The following FMNL2 variants were observed in gnomAD, a reference collection of about 807,000 sequenced individuals.
The protein encoded by FMNL2 is formin-like protein 2.
A neutral mutation model predicts 130.2 loss-of-function variants in FMNL2; 51 were observed. The observed-to-expected ratio is 0.39, with a 90% CI of 0.31 to 0.49. The LOEUF is 0.49. Ranked by LOEUF, FMNL2 falls within the 20% of genes least tolerant of loss-of-function variation. FMNL2 has a pLI of 0.85. For missense variants in FMNL2, 977 were observed against 1,316.2 expected (o/e 0.74, Z 3.99); for synonymous variants, 465 against 467.1 (o/e 1.00, Z 0.06).
chr2:152,641,967 G>A (rs1683119682), intron 25 of FMNL2, among the ~76,000 whole-genome samples: 2 of 147,318 alleles, frequency 1.4e-5, no homozygotes, highest in Admixed American at 1.3e-4. Context: ...TTTTGATGGA[G>A]TCTCATTCTG....
chr2:152,339,194 AT>A (rs11440524), intron 1 of FMNL2, among the ~76,000 whole-genome samples: 3 of 151,348 alleles, frequency 2.0e-5, no homozygotes, highest in Admixed American at 6.6e-5. Flanking sequence ...TTATTTCATG[AT>A]TTTTTTTTAA....
chr2:152,338,848 C>CACACAT (rs1407256923), intron 1 of FMNL2, among the ~76,000 whole-genome samples: 2 of 92,778 alleles, frequency 2.2e-5, no homozygotes, highest in East Asian at 4.2e-4. Context: ...CACACACACA[C>CACACAT]ACACATATAT....
At chr2:152,336,001 CGTGTGCCCGGGAGGTGCGGCGT>C (rs1022766803) in intron 1 of FMNL2, among the ~76,000 whole-genome samples, 6 of 151,748 alleles carry the variant, frequency 4.0e-5, no homozygotes, top group African/African-American at 1.5e-4. Flanking sequence ...CCTCACGGCG[CGTGTGCCCGGGAGGTGCGGCGT>C]GGGCGTGAAG....
At chr2:152,461,107 C>T (rs1050115244) in intron 1 of FMNL2, among the ~76,000 whole-genome samples, 3 of 152,058 alleles carry the variant, frequency 2.0e-5, no homozygotes, top group Non-Finnish European at 4.4e-5. Context: ...ATGACCTCTG[C>T]CTTCAAAGAA....
chr2:152,465,641 C>T (rs1031712185), intron 1 of FMNL2, among the ~76,000 whole-genome samples: 3 of 152,194 alleles, frequency 2.0e-5, no homozygotes, highest in Non-Finnish European at 4.4e-5. Flanking sequence ...CCCCACCCCC[C>T]ATCTGGCTCA....
At chr2:152,342,277 A>G (rs1357293893) in intron 1 of FMNL2, among the ~76,000 whole-genome samples, 3 of 152,240 alleles carry the variant, frequency 2.0e-5, no homozygotes, top group Admixed American at 6.5e-5. Context: ...AGCTAATACA[A>G]GAAGCACTGA....
intron 8 of FMNL2, among the ~76,000 whole-genome samples, chr2:152,580,660 T>C (rs1397858183): frequency 2.6e-5 from 4 of 152,222 alleles, no homozygotes; most frequent in Admixed American, 2.6e-4. Flanking sequence ...TCATCTGTAT[T>C]GTACTGAGTC....
At chr2:152,625,391 G>T in intron 15 of FMNL2, 47 bp from the exon 16 acceptor site, 1 of 1,574,802 alleles carries the variant, frequency 6.3e-7, no homozygotes. Flanking sequence ...CCTGAGGGTC[G>T]TAGGCTTTTG....
chr2:152,384,362 G>T lies in FMNL2; in HGVS notation c.117+48642G>T, dbSNP rs1461062270. On this transcript the variant is annotated intron_variant, in intron 1 of 25. Transcript: ENST00000288670. ...AGAGTCTGGATTACCAGCCCCTGTG[G>T]TCTAGCAGAAGTTTGGGATGTTGAG... 2.0e-5 allele frequency among the ~76,000 whole-genome samples: 3 copies of T among 152,168 alleles called. No individual in the cohort carries two copies. The East Asian group carries it at 5.8e-4, about 29-fold the overall frequency.
Position 152,558,730 on chromosome 2 carries a change from T to TA in FMNL2, c.360-10_360-9insA. 6.4e-7 allele frequency: 1 copy of TA among 1,562,670 alleles called. No individual in the cohort carries two copies. The highest frequency in any genetic ancestry group is 8.7e-7 in the Non-Finnish European group (1 of 1,143,584). On this transcript the variant is annotated splice_polypyrimidine_tract_variant and intron_variant, in intron 4 of 25. Coordinates refer to ENST00000288670, the MANE Select transcript of FMNL2 (RefSeq NM_052905.4). ...TTCTCCAATGATTTTTTTTTTTTTT[T>TA]CCCCAACAGATGGGTCAGAGAATTT...
chr2:152,514,642 A>G (rs186388873), intron 1 of FMNL2, among the ~76,000 whole-genome samples: 16 of 152,306 alleles, frequency 1.1e-4, no homozygotes, highest in African/African-American at 3.4e-4. Flanking sequence ...CTACATATAC[A>G]TACCTATGAT....
At chr2:152,481,431 G>C (rs904824593) in intron 1 of FMNL2, among the ~76,000 whole-genome samples, 1 of 152,156 alleles carries the variant, frequency 6.6e-6, no homozygotes, top group East Asian at 1.9e-4. Flanking sequence ...AAAAAACAAC[G>C]TTTTGGCCTT....
Position 152,575,190 on chromosome 2 carries a change from G to A in FMNL2, c.651G>A (p.Lys217=). The A allele has an allele frequency of 1.9e-6, 3 of 1,608,140 alleles. No homozygotes were observed. Among genetic ancestry groups the A allele is most frequent in the Non-Finnish European group, 2.5e-6 (3 of 1,176,984 alleles). The change falls in exon 7 of 26, where the codon AAG becomes AAA. Residue 217 remains lysine, a synonymous_variant. Coordinates refer to ENST00000288670, the MANE Select transcript of FMNL2 (RefSeq NM_052905.4). ...RTLKNSRLVS[K]KDDVHVCIMC... ...TGAAAAATTCAAGATTAGTGAGTAA[G>A]AAAGATGATGTGCATGTCTGTATCA... is the stretch of plus-strand genomic sequence containing the variant.
At chr2:152,639,852 ATTG>A in intron 23 of FMNL2, 103 bp from the exon 24 acceptor site, 3 of 933,072 alleles carry the variant, frequency 3.2e-6, no homozygotes, top group Admixed American at 3.0e-5. Context: ...CCTTCCATTT[ATTG>A]TAATTCTCAA....
intron 1 of FMNL2, among the ~76,000 whole-genome samples, chr2:152,461,513 C>A (rs2105128294): frequency 6.6e-6 from 1 of 152,094 alleles, no homozygotes; most frequent in Admixed American, 6.5e-5. Context: ...CACATTTGTT[C>A]CAGTTATACT....
chr2:152,584,153 A>G (rs368715707), intron 9 of FMNL2, among the ~76,000 whole-genome samples: 1 of 152,150 alleles, frequency 6.6e-6, no homozygotes, highest in East Asian at 1.9e-4. Context: ...CATCATAGTA[A>G]AGTGAATTCT....
intron 1 of FMNL2, among the ~76,000 whole-genome samples, chr2:152,508,857 A>G (rs1459681276): frequency 6.6e-6 from 1 of 151,528 alleles, no homozygotes; most frequent in African/African-American, 2.4e-5. Flanking sequence ...GCCCATTTTC[A>G]TCTCTGTCTT....
rs1015919701 is a variant in FMNL2 at position 152,472,892 on chromosome 2, G to A, written c.118-49051G>A. ...AAGATTAAGAGAAATAATGTGCACA[G>A]AGTGTTTTAAAAATAGAAGTTTAAG... On this transcript the variant is annotated intron_variant, in intron 1 of 25. Transcript: ENST00000288670. Among the ~76,000 whole-genome samples, 5 of 152,240 alleles carry A rather than the reference G, an allele frequency of 3.3e-5. No individual in the cohort carries two copies. The South Asian group carries it at 6.2e-4, about 19-fold the overall frequency.
intron 1 of FMNL2, among the ~76,000 whole-genome samples, chr2:152,420,644 G>C (rs1418924864): frequency 2.6e-5 from 4 of 152,184 alleles, no homozygotes; most frequent in African/African-American, 9.6e-5. Flanking sequence ...TCCAAAAATT[G>C]CCAGATAGAT....
Sources: allele counts gnomAD v4.1 joint callset (sites outside exome capture counted in the v4.1 genomes callset), GRCh38; gene constraint gnomAD v4.1.1; transcripts MANE v1.5; gene names NCBI Gene and HGNC (gene_info 2026-07-23, HGNC 2026-07-21).